The following DGKB variants were observed in gnomAD, a reference collection of about 807,000 sequenced individuals.
The protein encoded by DGKB is diacylglycerol kinase beta.
Under a neutral mutation model 114.3 loss-of-function variants are expected in DGKB, and 67 were observed. The observed-to-expected ratio is 0.59, with a 90% CI of 0.48 to 0.72. The LOEUF is 0.72. DGKB is among the 30% of genes least tolerant of loss of function. The probability of loss-of-function intolerance (pLI) is 0.00; values close to 1 mark genes in which losing one functional copy is unlikely to be tolerated. For missense variants in DGKB, 907 were observed against 975.2 expected, an observed-to-expected ratio of 0.93 and a Z score of 0.93; for synonymous variants, 398 against 323.1, an observed-to-expected ratio of 1.23 and a Z score of -2.49.
chr7:14,360,750 C>G (rs1815571071), intron 21 of DGKB, among the ~76,000 whole-genome samples: 1 of 151,966 alleles, frequency 6.6e-6, no homozygotes, highest in Admixed American at 6.6e-5. Context: ...CCCCAAATCA[C>G]TAGGCAAAGC....
chr7:14,907,723 C>T (rs117574223), upstream of DGKB, among the ~76,000 whole-genome samples: 181 of 152,236 alleles, frequency 1.2e-3, 7 homozygotes, highest in East Asian at 0.03. Context: ...CTGAATGATT[C>T]TTAGGGGCAG....
intron 13 of DGKB, among the ~76,000 whole-genome samples, chr7:14,661,691 C>A (rs1817116670): frequency 6.6e-6 from 1 of 151,530 alleles, no homozygotes; most frequent in East Asian, 2.0e-4. Flanking sequence ...TTGACCCAGC[C>A]ATCCCATTAC....
intron 17 of DGKB, among the ~76,000 whole-genome samples, chr7:14,597,896 A>G (rs1210607917): frequency 6.6e-6 from 1 of 152,118 alleles, no homozygotes; most frequent in African/African-American, 2.4e-5. Flanking sequence ...TTAGAATATT[A>G]AAATTTCTTG....
intron 20 of DGKB, among the ~76,000 whole-genome samples, chr7:14,526,945 T>G (rs1790744193): frequency 6.6e-6 from 1 of 152,194 alleles, no homozygotes; most frequent in Non-Finnish European, 1.5e-5. Flanking sequence ...TACACCTATA[T>G]GCTTACAAAT....
At chr7:14,298,563 G>A (rs570575412) in intron 23 of DGKB, among the ~76,000 whole-genome samples, 1 of 151,736 alleles carries the variant, frequency 6.6e-6, no homozygotes, top group Non-Finnish European at 1.5e-5. Context: ...ACTCAAGATG[G>A]ATTAAAGCAT....
At chr7:14,658,226 GAA>G (rs969184156) in intron 13 of DGKB, among the ~76,000 whole-genome samples, 43 of 151,946 alleles carry the variant, frequency 2.8e-4, no homozygotes, top group Admixed American at 2.2e-3. Context: ...TTACAGTGAA[GAA>G]AAAAGAGATG....
intron 21 of DGKB, among the ~76,000 whole-genome samples, chr7:14,359,159 T>C (rs1228746374): frequency 1.3e-5 from 2 of 151,954 alleles, no homozygotes; most frequent in African/African-American, 4.8e-5. Context: ...TGAGAAATAA[T>C]GCCACACATC....
At chr7:14,742,423 CTT>C (rs553727351) in intron 4 of DGKB, among the ~76,000 whole-genome samples, 14 of 152,104 alleles carry the variant, frequency 9.2e-5, no homozygotes, top group Non-Finnish European at 2.1e-4. Flanking sequence ...GCTGTAGTAA[CTT>C]TTAGTTCATG....
chr7:14,568,960 T>C (rs1412481460), intron 20 of DGKB, among the ~76,000 whole-genome samples: 1 of 152,232 alleles, frequency 6.6e-6, no homozygotes, highest in East Asian at 1.9e-4. Flanking sequence ...TGAAGCTTTT[T>C]CATGCTGTTA....
At chr7:14,812,984 C>G (rs749665208) in intron 2 of DGKB, among the ~76,000 whole-genome samples, 1 of 151,962 alleles carries the variant, frequency 6.6e-6, no homozygotes, top group Non-Finnish European at 1.5e-5. Flanking sequence ...ACACATGATC[C>G]AAACCAAGGA....
intron 23 of DGKB, among the ~76,000 whole-genome samples, chr7:14,179,381 A>C (rs1782289164): frequency 6.6e-6 from 1 of 152,214 alleles, no homozygotes; most frequent in Non-Finnish European, 1.5e-5. Context: ...TGTATTTTCA[A>C]ATATAAATAC....
chr7:14,227,017 T>C (rs1790907254), intron 23 of DGKB, among the ~76,000 whole-genome samples: 1 of 152,004 alleles, frequency 6.6e-6, no homozygotes, highest in Admixed American at 6.6e-5. Flanking sequence ...GGACTACAGG[T>C]GCCCGCACCG....
chr7:14,648,244 T>A (rs375248935), intron 13 of DGKB, among the ~76,000 whole-genome samples: 1 of 152,212 alleles, frequency 6.6e-6, no homozygotes. Flanking sequence ...TAAATGTCCC[T>A]GTCTGACAGC....
rs554389137 is a variant in DGKB, at chr7:14,334,037, GTTAA to G, written c.2122+4474_2122+4477del. ...AAAATTATTATTAATATTTGGGGGA[GTTAA>G]TTAACTGATACAATTTCTTTATGAG... is the stretch of plus-strand genomic sequence containing the variant. On this transcript the variant is annotated intron_variant, in intron 23 of 25. Coordinates refer to ENST00000402815, the MANE Select transcript of DGKB (RefSeq NM_001350709.2). 8.5e-5 allele frequency among the ~76,000 whole-genome samples: 13 copies of G among 152,274 alleles called. No individual in the cohort carries two copies. The South Asian group carries it at 2.1e-3, about 24-fold the overall frequency.
At chr7:14,903,648 C>A (rs932688807), upstream of DGKB, among the ~76,000 whole-genome samples, 2 of 152,106 alleles carry the variant, frequency 1.3e-5, no homozygotes, top group Non-Finnish European at 2.9e-5. Flanking sequence ...AACCTCGGAG[C>A]AGGTGACTGG....
At chr7:14,634,149 T>A (rs891622592) in intron 13 of DGKB, among the ~76,000 whole-genome samples, 24 of 151,020 alleles carry the variant, frequency 1.6e-4, no homozygotes, top group African/African-American at 5.3e-4. Context: ...ATTTATATTT[T>A]TATATATATA....
At chr7:14,220,589 T>C (rs1475561221) in intron 23 of DGKB, among the ~76,000 whole-genome samples, 1 of 151,540 alleles carries the variant, frequency 6.6e-6, no homozygotes, top group Non-Finnish European at 1.5e-5. Flanking sequence ...CTTTTTGAAA[T>C]ATTATTTTGG....
At chr7:14,293,117 A>T (rs1006487081) in intron 23 of DGKB, among the ~76,000 whole-genome samples, 2 of 152,200 alleles carry the variant, frequency 1.3e-5, no homozygotes, top group African/African-American at 4.8e-5. Context: ...TTACTTACAG[A>T]TATTGCTATT....
chr7:14,708,640 G>C (rs994502860), intron 6 of DGKB, among the ~76,000 whole-genome samples: 2 of 151,528 alleles, frequency 1.3e-5, no homozygotes. Context: ...GAACAGAACA[G>C]AGCCCTCAGA....
Sources: gnomAD v4.1 joint callset for allele counts (sites outside exome capture counted in the v4.1 genomes callset) on GRCh38, gnomAD v4.1.1 for gene constraint, MANE v1.5 for transcripts, NCBI Gene and HGNC (gene_info 2026-07-23, HGNC 2026-07-21) for gene names.